The following RAD21L1 variants were observed in gnomAD, a reference collection of about 807,000 sequenced individuals.
RAD21L1 encodes the protein double-strand-break repair protein rad21-like protein 1.
A neutral mutation model predicts 69.0 loss-of-function variants in RAD21L1; 47 were observed. The ratio of observed to expected loss-of-function variants is 0.68; its 90% confidence interval spans 0.54 to 0.87. The LOEUF (loss-of-function observed/expected upper bound fraction) is 0.87. Among genes scored for constraint, RAD21L1 ranks in the 40% least tolerant of loss-of-function variants. The pLI is 0.00. For missense variants in RAD21L1, 583 were observed against 647.6 expected (o/e 0.90, Z 1.08); for synonymous variants, 177 against 205.8 (o/e 0.86, Z 1.20).
chr20:1,229,380 G>T (rs891531049), intron 2 of RAD21L1, among the ~76,000 whole-genome samples: 1 of 152,096 alleles, frequency 6.6e-6, no homozygotes, highest in Admixed American at 6.5e-5. Flanking sequence ...ACAATGCCTG[G>T]CATAAAATAA....
chr20:1,231,375 T>C (rs1414927954), intron 3 of RAD21L1, 151 bp from the exon 4 acceptor site: 5 of 595,078 alleles, frequency 8.4e-6, no homozygotes, highest in Non-Finnish European at 1.5e-5. Context: ...CTGTCTGCTT[T>C]ATAGAGAATG....
At position 1,240,414 on chromosome 20, in the gene RAD21L1, T is replaced by A. The variant is rs1568521593; in HGVS notation, c.836T>A (p.Leu279His). ...LLSTEEEGFT[L>H]DPIDISDIAE... Reference sequence around the variant, plus strand: ...TCAACTGAAGAGGAAGGATTTACCCTTGATCCAATTGATATTTCAGGTCAG... The same window carrying A: ...TCAACTGAAGAGGAAGGATTTACCCATGATCCAATTGATATTTCAGGTCAG... The change falls in exon 8 of 14, where the codon CTT (leucine) becomes CAT (histidine). Residue 279 changes from leucine to histidine, a missense_variant. Leu to His is a moderately conservative substitution (Grantham distance 99, BLOSUM62 -3). Transcript: ENST00000683101. The A allele has an allele frequency of 1.9e-6, 3 of 1,542,504 alleles. No individual in the cohort carries two copies. The East Asian group carries it at 7.4e-5, about 38-fold the overall frequency.
chr20:1,247,405 A>G (rs552870078), intron 12 of RAD21L1, among the ~76,000 whole-genome samples: 2 of 152,164 alleles, frequency 1.3e-5, no homozygotes, highest in African/African-American at 2.4e-5. Context: ...CATTTCAAAA[A>G]CTGCATTTGT....
intron 1 of RAD21L1, among the ~76,000 whole-genome samples, chr20:1,226,607 CCTCCCTCCCTTCG>C (rs1008784483): frequency 3.4e-4 from 52 of 152,062 alleles, no homozygotes; most frequent in Non-Finnish European, 5.9e-4. Context: ...CCGACCCCTT[CCTCCCTCCCTTCG>C]CTCCCTCCCC....
Position 1,236,115 on chromosome 20 carries a change from G to GTTGT in RAD21L1, c.476-1910_476-1907dup, listed in dbSNP as rs530261405. Among the ~76,000 whole-genome samples, 319 of 152,138 alleles carry GTTGT rather than the reference G, an allele frequency of 2.1e-3. 1 individual carries two copies. The highest frequency in any genetic ancestry group is 6.9e-3 in the African/African-American group (288 of 41,522). On this transcript the variant is annotated intron_variant, in intron 5 of 13. Transcript: ENST00000683101. ...TCTGTCAGCTTCATACTAGTGCTGG[G>GTTGT]TTGTTTGTTTGTTTGTTTGTTTTTT...
chr20:1,232,895 G>A (rs2087420962), intron 4 of RAD21L1, among the ~76,000 whole-genome samples: 1 of 152,160 alleles, frequency 6.6e-6, no homozygotes, highest in African/African-American at 2.4e-5. Context: ...CATAAGAGAA[G>A]TGATTAGGTC....
chr20:1,243,009 G>T, intron 9 of RAD21L1, 88 bp from the exon 10 acceptor site: 1 of 983,012 alleles, frequency 1.0e-6, no homozygotes, highest in South Asian at 1.7e-5. Flanking sequence ...ATGAATTATA[G>T]TTTTTCCTTT....
rs1258476196 is a variant in RAD21L1, at chr20:1,243,156, G to A, written c.1143G>A (p.Lys381=). 1.3e-6 allele frequency: 2 copies of A among 1,539,162 alleles called. No individual in the cohort carries two copies. The highest frequency in any genetic ancestry group is 2.1e-5 in the Admixed American group (1 of 48,354). The change falls in exon 10 of 14, where the codon AAG becomes AAA. Residue 381 remains lysine (K), a synonymous_variant. Transcript: ENST00000683101. ...AACTTGGAAGAAAAATGATACAGAA[G>A]GAGTCAGTAAGGGAAGAAGTGGGAA... is the stretch of plus-strand genomic sequence containing the variant. The part of the protein sequence containing the change: ...GFKLGRKMIQ[K]ESVREEVGNQ...
chr20:1,247,008 T>G (rs1469352703), intron 12 of RAD21L1, among the ~76,000 whole-genome samples: 1 of 152,226 alleles, frequency 6.6e-6, no homozygotes, highest in Non-Finnish European at 1.5e-5. Flanking sequence ...GTTCCAAGAC[T>G]CTTTGATTGT....
In RAD21L1 at chr20:1,232,195, A is replaced by G. The variant is rs189705611; in HGVS notation, c.368+576A>G. Among the ~76,000 whole-genome samples, 226 of 152,284 alleles carry G rather than the reference A, an allele frequency of 1.5e-3. 1 individual carries two copies. The highest frequency in any genetic ancestry group is 5.2e-3 in the African/African-American group (218 of 41,566). ...ATTTTCAAGGACCAGCAAGGAGGCA[A>G]GTGAGACTCTAGCGGAGTAAATGAG... On this transcript the variant is annotated intron_variant, in intron 4 of 13. Transcript: ENST00000683101.
At chr20:1,227,607 C>T (rs973601383) in intron 1 of RAD21L1, among the ~76,000 whole-genome samples, 3 of 152,170 alleles carry the variant, frequency 2.0e-5, no homozygotes, top group Admixed American at 6.5e-5. Context: ...TGATTCTTCC[C>T]TAGAAGTCAA....
At chr20:1,234,481 A>G (rs748160611) in intron 5 of RAD21L1, among the ~76,000 whole-genome samples, 5 of 152,214 alleles carry the variant, frequency 3.3e-5, no homozygotes, top group Non-Finnish European at 7.3e-5. Context: ...TCCTGCCCTC[A>G]AGGAGATTCT....
chr20:1,231,483 A>G (rs1212442954), intron 3 of RAD21L1, 43 bp from the exon 4 acceptor site: 6 of 954,710 alleles, frequency 6.3e-6, no homozygotes, highest in African/African-American at 1.7e-5. Context: ...TTTGTTTTAT[A>G]TAGCATTGTT....
At chr20:1,231,140 G>A (rs537537075) in intron 3 of RAD21L1, among the ~76,000 whole-genome samples, 14 of 152,258 alleles carry the variant, frequency 9.2e-5, no homozygotes, top group Admixed American at 2.6e-4. Flanking sequence ...CATTCTAGGC[G>A]GAGGAAACTG....
At chr20:1,251,851 A>T (rs2122170030) in intron 13 of RAD21L1, among the ~76,000 whole-genome samples, 1 of 152,254 alleles carries the variant, frequency 6.6e-6, no homozygotes, top group East Asian at 1.9e-4. Flanking sequence ...TAGGTTTCTA[A>T]AGCAGCTTTG....
rs1447985904 is a variant in RAD21L1 at position 1,244,161 on chromosome 20, T to G, written c.1299T>G (p.Ile433Met). The change falls in exon 11 of 14, where the codon ATT (isoleucine) becomes ATG (methionine). Residue 433 changes from isoleucine to methionine, a missense_variant. Transcript: ENST00000683101. ...CTCATGAGGATACCAATAAAAATAT[T>G]AACTCTGAGGTAAGTTATCCAGAGA... ...HSSHEDTNKN[I>M]NSEDIVEMVS... The G allele has an allele frequency of 1.3e-6, 2 of 1,541,368 alleles. No individual in the cohort carries two copies. The highest frequency in any genetic ancestry group is 4.0e-5 in the Admixed American group (2 of 50,366).
At chr20:1,248,970 C>A (rs1360996848) in intron 13 of RAD21L1, among the ~76,000 whole-genome samples, 1 of 152,126 alleles carries the variant, frequency 6.6e-6, no homozygotes, top group African/African-American at 2.4e-5. Flanking sequence ...TAGCATGATA[C>A]CAACTAATTC....
chr20:1,235,924 C>T (rs1056609628), intron 5 of RAD21L1, among the ~76,000 whole-genome samples: 7 of 152,202 alleles, frequency 4.6e-5, no homozygotes, highest in Non-Finnish European at 4.4e-5. Context: ...TGCACCTCCG[C>T]ACTCGGCTAA....
At chr20:1,252,261 T>C (rs1306985962) in intron 13 of RAD21L1, among the ~76,000 whole-genome samples, 1 of 152,202 alleles carries the variant, frequency 6.6e-6, no homozygotes, top group Non-Finnish European at 1.5e-5. Context: ...TTATTTAAGA[T>C]AGAGACACCA....
Sources: allele counts gnomAD v4.1 joint callset (sites outside exome capture counted in the v4.1 genomes callset), GRCh38; gene constraint gnomAD v4.1.1; transcripts MANE v1.5; gene names NCBI Gene and HGNC (gene_info 2026-07-23, HGNC 2026-07-21).